Variants in HCFC1R1 observed in about 807,000 individuals in gnomAD.
HCFC1R1 encodes host cell factor C1 regulator 1.
In HCFC1R1, 17 loss-of-function variants were observed where a neutral mutation model predicts 13.3. The ratio of observed to expected loss-of-function variants is 1.28; its 90% CI spans 0.87 to 1.91. The LOEUF is 1.91. HCFC1R1 is among the 40% of genes most tolerant of loss of function. The probability of loss-of-function intolerance (pLI) is 0.00; values close to 1 mark genes in which losing one functional copy is unlikely to be tolerated. For synonymous variants in HCFC1R1, 87 were observed against 71.1 expected (o/e 1.22, Z -1.12); for missense variants, 218 against 177.9 (o/e 1.23, Z -1.28).
At chr16:3,023,084 C>T in intron 3 of HCFC1R1, 86 bp from the exon 4 acceptor site, 3 of 1,541,522 alleles carry the variant, frequency 1.9e-6, no homozygotes, top group Non-Finnish European at 2.6e-6. Flanking sequence ...CCAGGGGCTC[C>T]TGGGTTCCCA....
rs771355843 is a variant in HCFC1R1 at position 3,022,982 on chromosome 16, G to A, written c.298C>T (p.Leu100=). Residue 100 remains leucine (L), a synonymous_variant, in exon 4 of 4, where the codon CTG becomes TTG. Coordinates refer to ENST00000248089, the MANE Select transcript of HCFC1R1 (RefSeq NM_017885.4). The part of the protein sequence containing the change: ...LPPLRSPCSE[L]LLWRYPGSLI... ...CTGCCAGGATAGCGCCAGAGAAGCA[G>A]CTCAGAGCAAGGGCTCCTAGAAGAG... 13 of 1,597,152 alleles carry A rather than the reference G, an allele frequency of 8.1e-6. No individual in the cohort carries two copies. The highest frequency in any genetic ancestry group is 1.8e-5 in the Admixed American group (1 of 55,132).
Position 3,023,461 on chromosome 16 carries a change from C to T in HCFC1R1, c.152+13G>A, listed in dbSNP as rs1053960636. 2.5e-6 allele frequency: 4 copies of T among 1,613,286 alleles called. No homozygotes were observed. The highest frequency in any genetic ancestry group is 3.4e-6 in the Non-Finnish European group (4 of 1,179,616). ...AGATCTTGTTGGGAGTCCCTCCCTGCCCCCAAACTCACTGCTCCTCCTCCA... is the reference window on the plus strand; with the variant it reads ...AGATCTTGTTGGGAGTCCCTCCCTGTCCCCAAACTCACTGCTCCTCCTCCA... On this transcript the variant is annotated intron_variant, in intron 2 of 3. Transcript: ENST00000248089.
At chr16:3,023,160 G>A in intron 3 of HCFC1R1, 73 bp downstream of exon 3, 16 of 1,505,604 alleles carry the variant, frequency 1.1e-5, no homozygotes, top group Non-Finnish European at 1.4e-5. Flanking sequence ...ATGGCACGAT[G>A]AGGCAGGGCC....
Position 3,023,905 on chromosome 16 carries a change from C to T in HCFC1R1, c.37G>A (p.Gly13Arg). The change falls in exon 1 of 4, where the codon GGA (glycine) becomes AGA (arginine). Residue 13 changes from glycine to arginine, a missense_variant. Transcript: ENST00000248089. ...GCCCGCGGGAGGCGCTGGGCCCCTC[C>T]CTGGGGGCCTCGCTGCAAGGGCTGC... is the stretch of plus-strand genomic sequence containing the variant. ...LQQPLQRGPQ[G>R]GAQRLPRAAL... 6.4e-7 allele frequency: 1 copy of T among 1,557,808 alleles called. No individual in the cohort carries two copies. The highest frequency in any genetic ancestry group is 1.2e-5 in the South Asian group (1 of 85,200).
intron 1 of HCFC1R1, 140 bp downstream of exon 1, chr16:3,023,707 G>A: frequency 3.9e-6 from 4 of 1,023,444 alleles, no homozygotes; most frequent in Non-Finnish European, 5.7e-6. Flanking sequence ...ACCCTCAGCC[G>A]CAGCCCCAGT....
chr16:3,024,137 G>A (rs1194172240), upstream of HCFC1R1: 9 of 727,372 alleles, frequency 1.2e-5, no homozygotes, highest in East Asian at 2.7e-5. Context: ...AGGGGGCTGC[G>A]GTGGACACCA....
At position 3,022,849 on chromosome 16, in the gene HCFC1R1, C is replaced by G; in HGVS notation, c.*14G>C. The stretch of plus-strand genomic sequence containing the variant: ...GGGAAGAAGGAAGGTGGGAGGGGCA[C>G]TGTCCACCAGCACTCAGAGCTCCAT... On this transcript the variant is annotated 3_prime_UTR_variant, in exon 4 of 4. Transcript: ENST00000248089. The G allele has an allele frequency of 6.6e-7, 1 of 1,505,362 alleles. No individual in the cohort carries two copies. Among genetic ancestry groups the G allele is most frequent in the Non-Finnish European group, 8.8e-7 (1 of 1,137,084 alleles). The allele number at this position is 1,505,362 out of a possible 1,614,324, so 93.3% of individuals were successfully genotyped here. A position where few individuals can be genotyped will look rare whatever the true frequency, so the allele number is the denominator to read the frequency against.
At chr16:3,023,738 A>C in intron 1 of HCFC1R1, 109 bp downstream of exon 1, 2 of 1,073,908 alleles carry the variant, frequency 1.9e-6, no homozygotes, top group Non-Finnish European at 2.7e-6. Flanking sequence ...CTCACGCCTA[A>C]GCCCCGCCGA....
chr16:3,023,530 G>C lies in HCFC1R1; in HGVS notation c.96C>G (p.Ser32Arg), dbSNP rs540252782. ...TGGGCACAGCTCCTCGGAGAGGGGA[G>C]CTGGGAAAAAAAGAGAGCCTGGTGC... is the stretch of plus-strand genomic sequence containing the variant. The part of the protein sequence containing the change: ...ALGVTWGLDA[S>R]SPLRGAVPMS... The change falls in exon 2 of 4, where the codon AGC becomes AGG. Residue 32 changes from serine (S) to arginine (R), a missense_variant and splice_region_variant. Ser to Arg is a moderately radical substitution (Grantham distance 110). Transcript: ENST00000248089. 1.9e-6 allele frequency: 3 copies of C among 1,580,708 alleles called. No individual in the cohort carries two copies. The African/African-American group carries it at 4.1e-5, about 22-fold the overall frequency.
chr16:3,024,269 G>T (rs371546709), upstream of HCFC1R1: 25 of 1,610,602 alleles, frequency 1.6e-5, no homozygotes, highest in East Asian at 1.8e-4. Context: ...CTCTAGGCAC[G>T]TAAGGCCTCG....
At chr16:3,023,997 G>C (rs1396016546), upstream of HCFC1R1, 14 of 1,332,296 alleles carry the variant, frequency 1.1e-5, no homozygotes, top group Non-Finnish European at 1.4e-5. Flanking sequence ...GTCTCTGAGG[G>C]CGTGGCCAAG....
At position 3,022,790 on chromosome 16, in the gene HCFC1R1, C is replaced by T. The variant is rs2072638894; in HGVS notation, c.*73G>A. 4.5e-6 allele frequency: 6 copies of T among 1,330,074 alleles called. No individual in the cohort carries two copies. The highest frequency in any genetic ancestry group is 4.9e-6 in the Non-Finnish European group (5 of 1,015,010). The allele number at this position is 1,330,074 out of a possible 1,614,324, so 82.4% of individuals were successfully genotyped here. Reference sequence around the variant, plus strand: ...TCTGCAGGAGAGGGAGGAACCTTGTCCCTTTGCGGGAGTCGCTGGTCTCTT... The same window carrying T: ...TCTGCAGGAGAGGGAGGAACCTTGTTCCTTTGCGGGAGTCGCTGGTCTCTT... On this transcript the variant is annotated 3_prime_UTR_variant, in exon 4 of 4. Coordinates refer to ENST00000248089, the MANE Select transcript of HCFC1R1 (RefSeq NM_017885.4).
chr16:3,024,062 G>A, upstream of HCFC1R1: 2 of 862,054 alleles, frequency 2.3e-6, no homozygotes, highest in Non-Finnish European at 3.5e-6. Context: ...CGCGGGCGCG[G>A]AAGACGGGCG....
Position 3,023,239 on chromosome 16 carries a change from G to C in HCFC1R1, c.275C>G (p.Pro92Arg). 6.5e-7 allele frequency: 1 copy of C among 1,547,588 alleles called. No homozygotes were observed. The highest frequency in any genetic ancestry group is 8.7e-7 in the Non-Finnish European group (1 of 1,146,478). Reference protein sequence around the residue: ...PPMTFSPALPPLRSPCSELLL... With the variant: ...PPMTFSPALPRLRSPCSELLL... ...GGCCAGTGGAGGAACCTACCTGAGT[G>C]GGGGCAGGGCTGGGGAGAAGGTCAT... is the stretch of plus-strand genomic sequence containing the variant. Residue 92 changes from proline to arginine, a missense_variant, in exon 3 of 4, where the codon CCA (proline) becomes CGA (arginine). By Grantham distance (103) the Pro-to-Arg change is moderately radical. Transcript: ENST00000248089.
upstream of HCFC1R1, chr16:3,024,152 T>C: frequency 2.6e-6 from 2 of 773,228 alleles, no homozygotes; most frequent in Non-Finnish European, 4.2e-6. Flanking sequence ...ACACCACTTC[T>C]TAATGTCGGG....
chr16:3,022,850 T>G lies in HCFC1R1; in HGVS notation c.*13A>C. On this transcript the variant is annotated 3_prime_UTR_variant, in exon 4 of 4. Coordinates refer to ENST00000248089, the MANE Select transcript of HCFC1R1 (RefSeq NM_017885.4). ...GGAAGAAGGAAGGTGGGAGGGGCAC[T>G]GTCCACCAGCACTCAGAGCTCCATT... 1 of 1,503,278 alleles carries G rather than the reference T, an allele frequency of 6.7e-7. No individual in the cohort carries two copies. The highest frequency in any genetic ancestry group is 2.7e-5 in the East Asian group (1 of 37,518). The allele number at this position is 1,503,278 out of a possible 1,614,324, so 93.1% of individuals were successfully genotyped here.
At position 3,022,834 on chromosome 16, in the gene HCFC1R1, A is replaced by C. The variant is rs1212242835; in HGVS notation, c.*29T>G. 6.7e-7 allele frequency: 1 copy of C among 1,482,682 alleles called. No individual in the cohort carries two copies. The highest frequency in any genetic ancestry group is 1.4e-5 in the South Asian group (1 of 70,460). 91.8% of individuals were successfully genotyped at this position (1,482,682 alleles called of 1,614,324 possible). Reference sequence around the variant, plus strand: ...GTCTCTTCTGTTGTGGGGAAGAAGGAAGGTGGGAGGGGCACTGTCCACCAG... The same window carrying C: ...GTCTCTTCTGTTGTGGGGAAGAAGGCAGGTGGGAGGGGCACTGTCCACCAG... On this transcript the variant is annotated 3_prime_UTR_variant, in exon 4 of 4. Transcript: ENST00000248089.
upstream of HCFC1R1, chr16:3,024,068 G>C (rs868090543): frequency 1.2e-6 from 1 of 837,364 alleles, no homozygotes; most frequent in Non-Finnish European, 1.8e-6. Context: ...CGCGGAAGAC[G>C]GGCGGCGCGT....
intron 1 of HCFC1R1, 73 bp from the exon 2 acceptor site, chr16:3,023,603 C>A: frequency 6.9e-7 from 1 of 1,453,908 alleles, no homozygotes; most frequent in South Asian, 1.4e-5. Context: ...CCTAAGCCTG[C>A]AGCATCAGCC....
Sources: allele counts gnomAD v4.1 joint callset, GRCh38; gene constraint gnomAD v4.1.1; transcripts MANE v1.5; gene names NCBI Gene and HGNC (gene_info 2026-07-23, HGNC 2026-07-21).